MEMO1: variants seen among roughly 807,000 people sequenced by gnomAD.
MEMO1 encodes protein MEMO1.
A neutral mutation model predicts 45.2 loss-of-function variants in MEMO1; 6 were observed. That is an observed-to-expected ratio of 0.13 (90% CI 0.07 to 0.26). The LOEUF (loss-of-function observed/expected upper bound fraction) is 0.26. MEMO1 is among the 10% of genes least tolerant of loss of function. MEMO1 has a pLI of 1.00. For missense variants in MEMO1, 184 were observed against 370.5 expected (o/e 0.50, Z 4.13); for synonymous variants, 78 against 124.3 (o/e 0.63, Z 2.48).
chr2:31,996,720 T>C (rs1315500437), intron 2 of MEMO1, among the ~76,000 whole-genome samples: 1 of 152,228 alleles, frequency 6.6e-6, no homozygotes, highest in East Asian at 1.9e-4. Flanking sequence ...TTCCACCCCA[T>C]AACTACAGAA....
chr2:31,926,973 T>C (rs1007459371), intron 4 of MEMO1, among the ~76,000 whole-genome samples: 5 of 152,198 alleles, frequency 3.3e-5, no homozygotes, highest in African/African-American at 1.2e-4. Context: ...CTCCACACGT[T>C]ACAAAATTAT....
rs74492331 is a variant in MEMO1 at position 31,910,007 on chromosome 2, C to T, written c.437+7919G>A. On this transcript the variant is annotated intron_variant, in intron 6 of 9. Transcript: ENST00000404530. The stretch of plus-strand genomic sequence containing the variant: ...AAACCAGAGGACAAAAACACTTTAT[C>T]AATAGACAAACATGGATAAAAATGA... 1.2e-4 allele frequency among the ~76,000 whole-genome samples: 18 copies of T among 151,922 alleles called. No homozygotes were observed. In the East Asian group the frequency reaches 3.5e-3, roughly 29 times the overall value.
At chr2:31,986,341 G>A (rs904142171) in intron 2 of MEMO1, among the ~76,000 whole-genome samples, 3 of 151,732 alleles carry the variant, frequency 2.0e-5, no homozygotes, top group African/African-American at 2.4e-5. Flanking sequence ...GCGTGGTGGC[G>A]GGGGCTTGTA....
chr2:31,982,987 C>T (rs1670834413), intron 2 of MEMO1, among the ~76,000 whole-genome samples: 1 of 151,950 alleles, frequency 6.6e-6, no homozygotes, highest in African/African-American at 2.4e-5. Context: ...GCCTGTAATC[C>T]CAGCACTTTG....
chr2:31,900,519 C>G (rs921690120), intron 6 of MEMO1, among the ~76,000 whole-genome samples: 1 of 151,308 alleles, frequency 6.6e-6, no homozygotes, highest in African/African-American at 2.4e-5. Context: ...CATCACACAC[C>G]GGGGCCTGTT....
In MEMO1 at chr2:31,936,650, T is replaced by C. The variant is rs1664958295; in HGVS notation, c.144-4515A>G. Reference sequence around the variant, plus strand: ...CCTTCCAATGTGGGTATAATTCAAATTCTTACCATAGAAAAATGACCAATT... The same window carrying C: ...CCTTCCAATGTGGGTATAATTCAAACTCTTACCATAGAAAAATGACCAATT... On this transcript the variant is annotated intron_variant, in intron 3 of 9. Coordinates refer to ENST00000404530, the MANE Select transcript of MEMO1 (RefSeq NM_001301833.4). Among the ~76,000 whole-genome samples, 5 of 152,300 alleles carry C rather than the reference T, an allele frequency of 3.3e-5. 2 individuals carry two copies. Among genetic ancestry groups the C allele is most frequent in the Middle Eastern group, 3.4e-3 (1 of 294 alleles).
chr2:31,909,076 C>G (rs1680200071), intron 6 of MEMO1, among the ~76,000 whole-genome samples: 1 of 152,196 alleles, frequency 6.6e-6, no homozygotes, highest in Non-Finnish European at 1.5e-5. Context: ...ATCTAACAAG[C>G]CTCTTAACAA....
chr2:31,872,046 A>ACACACAG (rs1201756598), intron 8 of MEMO1, among the ~76,000 whole-genome samples: 55 of 21,408 alleles, frequency 2.6e-3, no homozygotes, highest in African/African-American at 9.1e-3. Context: ...CACACACACA[A>ACACACAG]AGTTAAACCT....
At chr2:31,924,653 A>G (rs982754019) in intron 4 of MEMO1, among the ~76,000 whole-genome samples, 1 of 152,218 alleles carries the variant, frequency 6.6e-6, no homozygotes, top group Non-Finnish European at 1.5e-5. Flanking sequence ...ATAATGGAAC[A>G]TAAGTAATTT....
At chr2:31,963,160 G>A in intron 2 of MEMO1, 1 of 1,533,456 alleles carries the variant, frequency 6.5e-7, no homozygotes, top group Non-Finnish European at 8.8e-7. Context: ...CAGACTCAAA[G>A]TGAAACCGCA....
chr2:31,887,935 A>G (rs922904390), intron 7 of MEMO1, among the ~76,000 whole-genome samples: 1 of 152,144 alleles, frequency 6.6e-6, no homozygotes, highest in Admixed American at 6.6e-5. Context: ...AATGTTATCA[A>G]TTTCATAAAT....
chr2:31,982,212 G>C (rs182519990), intron 2 of MEMO1, among the ~76,000 whole-genome samples: 17 of 150,484 alleles, frequency 1.1e-4, no homozygotes, highest in Non-Finnish European at 2.2e-4. Flanking sequence ...CAGGAGAATC[G>C]CTTGAACCCA....
At chr2:31,955,177 C>T (rs1230240872) in intron 2 of MEMO1, among the ~76,000 whole-genome samples, 2 of 151,364 alleles carry the variant, frequency 1.3e-5, no homozygotes, top group Non-Finnish European at 2.9e-5. Flanking sequence ...GTCAAATCTG[C>T]AGTGAGACCC....
At chr2:31,955,749 T>C (rs1380802564) in intron 2 of MEMO1, among the ~76,000 whole-genome samples, 5 of 151,982 alleles carry the variant, frequency 3.3e-5, no homozygotes, top group Non-Finnish European at 5.9e-5. Context: ...GCTGAGATTA[T>C]AGGCATGCAC....
chr2:31,915,581 A>C (rs536794929), intron 6 of MEMO1, among the ~76,000 whole-genome samples: 10 of 150,096 alleles, frequency 6.7e-5, no homozygotes, highest in Admixed American at 2.0e-4. Context: ...AAGAAGAAGA[A>C]GTCTAAGCTA....
intron 4 of MEMO1, among the ~76,000 whole-genome samples, chr2:31,926,109 G>A (rs902539589): frequency 2.6e-5 from 4 of 152,192 alleles, no homozygotes; most frequent in Admixed American, 2.0e-4. Context: ...GTTCATGCCT[G>A]TAATCTCAGC....
intron 6 of MEMO1, among the ~76,000 whole-genome samples, chr2:31,896,428 T>G (rs569176724): frequency 6.6e-6 from 1 of 152,174 alleles, no homozygotes; most frequent in Non-Finnish European, 1.5e-5. Context: ...TAGCAACTGC[T>G]CAACAGTTCA....
chr2:31,873,040 T>C (rs923133750), intron 8 of MEMO1, among the ~76,000 whole-genome samples: 7 of 152,278 alleles, frequency 4.6e-5, no homozygotes, highest in Admixed American at 3.3e-4. Flanking sequence ...GAAATGCTAG[T>C]TCAATGCTGT....
At chr2:32,009,984 G>A (rs940263878) in intron 2 of MEMO1, among the ~76,000 whole-genome samples, 5 of 150,520 alleles carry the variant, frequency 3.3e-5, no homozygotes, top group Admixed American at 2.6e-4. Context: ...CGGGCTGCCG[G>A]CGCGGGATGC....
Sources: allele counts gnomAD v4.1 joint callset (sites outside exome capture counted in the v4.1 genomes callset), GRCh38; gene constraint gnomAD v4.1.1; transcripts MANE v1.5; gene names NCBI Gene and HGNC (gene_info 2026-07-23, HGNC 2026-07-21).